Variants in KCNQ1 observed in about 807,000 individuals in gnomAD.
The protein encoded by KCNQ1 is potassium voltage-gated channel subfamily KQT member 1.
Under a neutral mutation model 72.4 loss-of-function variants are expected in KCNQ1, and 49 were observed. The ratio of observed to expected loss-of-function variants is 0.68; its 90% confidence interval spans 0.54 to 0.86. KCNQ1 has a LOEUF of 0.86. Ranked by LOEUF, KCNQ1 falls within the 40% of genes least tolerant of loss-of-function variation. The pLI, the probability that KCNQ1 is intolerant of heterozygous loss-of-function variation, is 0.00. For synonymous variants in KCNQ1, 450 were observed against 412.6 expected (o/e 1.09, Z -1.10); for missense variants, 790 against 945.1 (o/e 0.84, Z 2.15).
chr11:2,491,134 A>C lies in KCNQ1; in HGVS notation c.387-36794A>C, dbSNP rs1351742415. 6.6e-6 allele frequency among the ~76,000 whole-genome samples: 1 copy of C among 152,242 alleles called. No individual in the cohort carries two copies. Among genetic ancestry groups the C allele is most frequent in the African/African-American group, 2.4e-5 (1 of 41,458 alleles). ...AATACCTGGAAAGCTTTACCAAGAA[A>C]GATGGGTACAAACAAGCCCAGACTG... is the stretch of plus-strand genomic sequence containing the variant. On this transcript the variant is annotated intron_variant, in intron 1 of 15. Coordinates refer to ENST00000155840, the MANE Select transcript of KCNQ1 (RefSeq NM_000218.3). The surrounding 1 kb of genome is among the most constrained non-coding windows in gnomAD (Gnocchi z 4.1).
At chr11:2,662,864 C>T in intron 11 of KCNQ1, 1 of 398,772 alleles carries the variant, frequency 2.5e-6, no homozygotes. Flanking sequence ...TCTCTACCAA[C>T]ATTTTTCTAA....
intron 10 of KCNQ1, among the ~76,000 whole-genome samples, chr11:2,589,841 C>G (rs985298276): frequency 6.6e-6 from 1 of 152,172 alleles, no homozygotes; most frequent in South Asian, 2.1e-4. Context: ...AGGAGGCACA[C>G]GTGATGCATC....
In KCNQ1 at chr11:2,781,178, C is replaced by T. The variant is rs1351858798; in HGVS notation, c.1794+3141C>T. 2.0e-5 allele frequency among the ~76,000 whole-genome samples: 3 copies of T among 152,164 alleles called. No individual in the cohort carries two copies. Among genetic ancestry groups the T allele is most frequent in the African/African-American group, 7.2e-5 (3 of 41,438 alleles). ...TTCTGTTTTCATCTTAGATTATTGT[C>T]TTCTTTATCCTGGAGAGGACTCTTA... On this transcript the variant is annotated intron_variant, in intron 15 of 15. Transcript: ENST00000155840. The surrounding 1 kb of genome is among the most constrained non-coding windows in gnomAD (Gnocchi z 6.6).
At chr11:2,770,394 C>T (rs763325294) in intron 12 of KCNQ1, among the ~76,000 whole-genome samples, 97 of 152,374 alleles carry the variant, frequency 6.4e-4, no homozygotes, top group Non-Finnish European at 1.2e-3. Flanking sequence ...AACCCCAGGC[C>T]AGCACCCGCT....
chr11:2,557,587 T>C lies in KCNQ1; in HGVS notation c.478-13041T>C, dbSNP rs116139774. 2.5e-3 allele frequency among the ~76,000 whole-genome samples: 376 copies of C among 152,348 alleles called. 1 individual carries two copies. The highest frequency in any genetic ancestry group is 8.6e-3 in the African/African-American group (358 of 41,576). ...GTCTGGCAGGGCTCAGTGGGACGGC[T>C]CATCTCCCCTCTGCATAGTATCAGC... On this transcript the variant is annotated intron_variant, in intron 2 of 15. Transcript: ENST00000155840.
At chr11:2,801,059 G>C (rs1045358256) in intron 15 of KCNQ1, among the ~76,000 whole-genome samples, 5 of 152,200 alleles carry the variant, frequency 3.3e-5, no homozygotes, top group African/African-American at 1.2e-4. Flanking sequence ...TGGGTGCAGG[G>C]CTGGGGCAGG....
chr11:2,571,986 C>A, intron 4 of KCNQ1, 27 bp from the exon 5 acceptor site: 1 of 1,596,232 alleles, frequency 6.3e-7, no homozygotes, highest in South Asian at 1.1e-5. Flanking sequence ...GCCTGGCTCC[C>A]TCAGCCCCAC....
At chr11:2,467,082 A>T (rs1846362367) in intron 1 of KCNQ1, among the ~76,000 whole-genome samples, 1 of 151,852 alleles carries the variant, frequency 6.6e-6, no homozygotes, top group African/African-American at 2.4e-5. Flanking sequence ...GCAGGAGGTG[A>T]CCTGGAGGTC....
intron 10 of KCNQ1, among the ~76,000 whole-genome samples, chr11:2,591,049 C>T (rs957552652): frequency 6.6e-6 from 1 of 152,258 alleles, no homozygotes; most frequent in African/African-American, 2.4e-5. Flanking sequence ...CTCTCCCTCT[C>T]GGACCTCTTC....
rs1847586184 is a variant in KCNQ1 at position 2,815,015 on chromosome 11, C to T, written c.1795-32752C>T. Among the ~76,000 whole-genome samples, 1 of 152,246 alleles carries T rather than the reference C, an allele frequency of 6.6e-6. No individual in the cohort carries two copies. On this transcript the variant is annotated intron_variant, in intron 15 of 15. Coordinates refer to ENST00000155840, the MANE Select transcript of KCNQ1 (RefSeq NM_000218.3). The surrounding 1 kb of genome is among the most constrained non-coding windows in gnomAD (Gnocchi z 5.4). ...GCTCTGCACACACAGCTTTCCTCAT[C>T]CCGGCCTCATGCACTGTGGGCAGGA...
chr11:2,775,849 C>T, intron 12 of KCNQ1, 111 bp from the exon 13 acceptor site: 1 of 1,017,404 alleles, frequency 9.8e-7, no homozygotes, highest in Non-Finnish European at 1.5e-6. Flanking sequence ...CATAGGCGAG[C>T]TCCCAGGTCT....
intron 10 of KCNQ1, chr11:2,655,810 C>G (rs1849836696): frequency 7.5e-6 from 3 of 398,532 alleles, no homozygotes; most frequent in East Asian, 7.1e-5. Context: ...CCCACAGTCT[C>G]CAACACACAA....
chr11:2,557,775 C>G (rs1469572958), intron 2 of KCNQ1, among the ~76,000 whole-genome samples: 1 of 152,226 alleles, frequency 6.6e-6, no homozygotes, highest in Non-Finnish European at 1.5e-5. Flanking sequence ...TCTCCTGATG[C>G]AGGTGTCACA....
In KCNQ1 at chr11:2,445,366, C is replaced by T. The variant is rs1440163024; in HGVS notation, c.268C>T (p.Arg90Cys). Residue 90 changes from arginine (R) to cysteine (C), a missense_variant, in exon 1 of 16, where the codon CGC becomes TGC. Coordinates refer to ENST00000155840, the MANE Select transcript of KCNQ1 (RefSeq NM_000218.3). Reference protein sequence around the residue: ...GPRPPVSLDPRVSIYSTRRPV... With the variant: ...GPRPPVSLDPCVSIYSTRRPV... ...GCGGCCGCCGGTGAGCCTAGACCCGCGCGTCTCCATCTACAGCACGCGCCG... is the reference window on the plus strand; with the variant it reads ...GCGGCCGCCGGTGAGCCTAGACCCGTGCGTCTCCATCTACAGCACGCGCCG... 1.4e-5 allele frequency: 22 copies of T among 1,597,320 alleles called. No homozygotes were observed. Among genetic ancestry groups the T allele is most frequent in the Non-Finnish European group, 1.9e-5 (22 of 1,179,448 alleles).
chr11:2,837,811 G>A (rs1267857425), intron 15 of KCNQ1, among the ~76,000 whole-genome samples: 1 of 152,244 alleles, frequency 6.6e-6, no homozygotes, highest in Non-Finnish European at 1.5e-5. Context: ...AACCGGCTCT[G>A]GGGCGAGAAG....
intron 10 of KCNQ1, chr11:2,635,457 G>A (rs1275743621): frequency 1.3e-5 from 2 of 152,264 alleles, no homozygotes; most frequent in East Asian, 3.9e-4. Flanking sequence ...CCCATTTCTT[G>A]TTTCTGTCAG....
intron 1 of KCNQ1, among the ~76,000 whole-genome samples, chr11:2,459,520 C>T (rs1168438101): frequency 2.0e-5 from 3 of 152,136 alleles, no homozygotes; most frequent in African/African-American, 4.8e-5. Context: ...GGGTCACTGC[C>T]AGTCTGTAGC....
Position 2,537,936 on chromosome 11 carries a change from A to G in KCNQ1, c.477+9918A>G, listed in dbSNP as rs1847761636. ...TTGCCATGTTACCTAGGCTGGTCTT[A>G]AACTCCTGAGTTCAAACAATCCTCC... is the stretch of plus-strand genomic sequence containing the variant. On this transcript the variant is annotated intron_variant, in intron 2 of 15. Transcript: ENST00000155840. This position sits in a 1 kb window ranked among gnomAD's most constrained non-coding sequence, Gnocchi z 5.2. 6.6e-6 allele frequency among the ~76,000 whole-genome samples: 1 copy of G among 152,124 alleles called. No individual in the cohort carries two copies. Among genetic ancestry groups the G allele is most frequent in the African/African-American group, 2.4e-5 (1 of 41,410 alleles).
At position 2,464,808 on chromosome 11, in the gene KCNQ1, G is replaced by C. The variant is rs948736554; in HGVS notation, c.386+19324G>C. ...CTGGGGCTGAGGCGGATCCCACTGT[G>C]GGGAGCTGCCCAGAGATGGAAGGAG... On this transcript the variant is annotated intron_variant, in intron 1 of 15. Transcript: ENST00000155840. This position sits in a 1 kb window ranked among gnomAD's most constrained non-coding sequence, Gnocchi z 5.0. Among the ~76,000 whole-genome samples, 6 of 152,068 alleles carry C rather than the reference G, an allele frequency of 3.9e-5. No individual in the cohort carries two copies. Among genetic ancestry groups the C allele is most frequent in the Non-Finnish European group, 7.4e-5 (5 of 68,004 alleles).
Sources: allele counts gnomAD v4.1 joint callset (sites outside exome capture counted in the v4.1 genomes callset), GRCh38; gene constraint gnomAD v4.1.1; non-coding constraint Gnocchi (gnomAD v3.1); transcripts MANE v1.5; gene names NCBI Gene and HGNC (gene_info 2026-07-23, HGNC 2026-07-21).